The following ATAD3A variants were observed in gnomAD, a reference collection of about 807,000 sequenced individuals.
ATAD3A encodes the protein ATPase family AAA domain containing 3A.
Under a neutral mutation model 73.8 loss-of-function variants are expected in ATAD3A, and 46 were observed. The ratio of observed to expected loss-of-function variants is 0.62; its 90% CI spans 0.49 to 0.80. The LOEUF is 0.80. Ranked by LOEUF, ATAD3A falls within the 30% of genes least tolerant of loss-of-function variation. The probability of loss-of-function intolerance (pLI) is 0.00; values close to 1 mark genes in which losing one functional copy is unlikely to be tolerated. For missense variants in ATAD3A, 705 were observed against 838.0 expected, an observed-to-expected ratio of 0.84 and a Z score of 1.96; for synonymous variants, 319 against 350.0, an observed-to-expected ratio of 0.91 and a Z score of 0.99.
At position 1,527,777 on chromosome 1, in the gene ATAD3A, G is replaced by A. The variant is rs78493114; in HGVS notation, c.1420G>A (p.Asp474Asn). ...NDRINEMVHF[D>N]LPGQEERERL... ...CCGCATCAATGAGATGGTCCACTTCGACCTGCCAGGGCAGGAGGAACGGGA... is the reference window on the plus strand; with the variant it reads ...CCGCATCAATGAGATGGTCCACTTCAACCTGCCAGGGCAGGAGGAACGGGA... The change falls in exon 14 of 16, where the codon GAC becomes AAC. Residue 474 changes from aspartate (D) to asparagine (N), a missense_variant. Transcript: ENST00000378756. The A allele has an allele frequency of 2.3e-5, 37 of 1,613,814 alleles. No homozygotes were observed. Among genetic ancestry groups the A allele is most frequent in the Non-Finnish European group, 3.0e-5 (35 of 1,179,968 alleles).
chr1:1,524,211 G>A (rs1170577289), intron 10 of ATAD3A, 62 bp from the exon 11 acceptor site: 5 of 1,613,200 alleles, frequency 3.1e-6, no homozygotes, highest in African/African-American at 2.7e-5. Flanking sequence ...CGGGTGGAGT[G>A]TGCAGGCTTT....
At chr1:1,519,230 C>CTT (rs1320908153) in intron 5 of ATAD3A, among the ~76,000 whole-genome samples, 2 of 132,376 alleles carry the variant, frequency 1.5e-5, no homozygotes, top group South Asian at 2.4e-4. Flanking sequence ...GTACAGGGGC[C>CTT]TTTTTTTTTT....
rs1284171486 is a variant in ATAD3A, at chr1:1,534,604, AG to A, written c.*534del. The stretch of plus-strand genomic sequence containing the variant: ...GGAGGGAACCTGGCGGGGGTGTCTG[AG>A]GCCGCACTGTCAGCTGGCCGGTCCA... On this transcript the variant is annotated 3_prime_UTR_variant, in exon 16 of 16. Coordinates refer to ENST00000378756, the MANE Select transcript of ATAD3A (RefSeq NM_001170535.3). 5.0e-6 allele frequency: 1 copy of A among 198,758 alleles called. No homozygotes were observed. The highest frequency in any genetic ancestry group is 1.4e-4 in the East Asian group (1 of 6,990). 12.3% of individuals were successfully genotyped at this position (198,758 alleles called of 1,614,324 possible).
intron 13 of ATAD3A, chr1:1,527,337 C>T (rs1021899481): frequency 3.7e-6 from 4 of 1,087,792 alleles, no homozygotes; most frequent in East Asian, 6.2e-5. Flanking sequence ...AACCCGGGCC[C>T]CTGAGGTCCT....
chr1:1,513,641 C>T (rs9439454), intron 1 of ATAD3A, among the ~76,000 whole-genome samples: 237 of 151,312 alleles, frequency 1.6e-3, no homozygotes, highest in Middle Eastern at 6.8e-3. Flanking sequence ...TGATCCCTTC[C>T]CTCCTTCCTG....
rs368661989 is a variant in ATAD3A, at chr1:1,534,110, C to T, written c.*38C>T. 550 of 1,613,136 alleles carry T rather than the reference C, an allele frequency of 3.4e-4. No homozygotes were observed. The Middle Eastern group carries it at 8.2e-3, about 24-fold the overall frequency. ...ATCCACAGCTCACGGAGCCTGGCCG[C>T]GGACCCCTCCCACCCCTGCCTTGCC... is the stretch of plus-strand genomic sequence containing the variant. On this transcript the variant is annotated 3_prime_UTR_variant, in exon 16 of 16. Coordinates refer to ENST00000378756, the MANE Select transcript of ATAD3A (RefSeq NM_001170535.3).
At chr1:1,531,549 G>A (rs376859954) in intron 15 of ATAD3A, among the ~76,000 whole-genome samples, 10 of 152,024 alleles carry the variant, frequency 6.6e-5, no homozygotes, top group South Asian at 2.1e-4. Context: ...CGAGATGGGC[G>A]GATCATGAAG....
At chr1:1,524,923 G>C (rs1158168991) in intron 11 of ATAD3A, among the ~76,000 whole-genome samples, 6 of 152,100 alleles carry the variant, frequency 3.9e-5, no homozygotes, top group Non-Finnish European at 5.9e-5. Context: ...TTTCACTTTA[G>C]AAGACCTGTC....
At chr1:1,525,639 C>T (rs1641790138) in intron 12 of ATAD3A, among the ~76,000 whole-genome samples, 2 of 152,280 alleles carry the variant, frequency 1.3e-5, no homozygotes, top group South Asian at 4.1e-4. Flanking sequence ...TGGTCTCGAT[C>T]TCCTGACCTC....
chr1:1,528,252 C>T (rs544565039), intron 14 of ATAD3A, among the ~76,000 whole-genome samples: 9 of 152,318 alleles, frequency 5.9e-5, no homozygotes, highest in Non-Finnish European at 1.2e-4. Context: ...TGTGAGCCAC[C>T]GCGCCCGGCG....
In ATAD3A at chr1:1,512,327, C is replaced by T. The variant is rs1641220755; in HGVS notation, c.59C>T (p.Pro20Leu). 1 of 1,240,182 alleles carries T rather than the reference C, an allele frequency of 8.1e-7. No individual in the cohort carries two copies. Among genetic ancestry groups the T allele is most frequent in the African/African-American group, 1.6e-5 (1 of 63,960 alleles). The allele number at this position is 1,240,182 out of a possible 1,614,324, so 76.8% of individuals were successfully genotyped here. A position where few individuals can be genotyped will look rare whatever the true frequency, so the allele number is the denominator to read the frequency against. The change falls in exon 1 of 16, where the codon CCG becomes CTG. Residue 20 changes from proline to leucine, a missense_variant. This residue lies in a region of ATAD3A where 125 missense variants were observed against 170.6 expected (regional missense o/e 0.73). Transcript: ENST00000378756. ...AAGGGTGAAGGCGCGGGGCCGCCGC[C>T]GCCTTTGCCGCCCGCGCAGCCCGGG... ...GPKGEGAGPP[P>L]PLPPAQPGAE... is the part of the protein sequence containing the mutation.
At chr1:1,518,086 C>A (rs549570198) in intron 4 of ATAD3A, among the ~76,000 whole-genome samples, 1 of 151,388 alleles carries the variant, frequency 6.6e-6, no homozygotes, top group African/African-American at 2.4e-5. Flanking sequence ...CACACCCCTG[C>A]ACACACGGGC....
rs149403205 is a variant in ATAD3A, at chr1:1,525,768, C to T, written c.1266+477C>T. 1.8e-3 allele frequency among the ~76,000 whole-genome samples: 273 copies of T among 152,122 alleles called. 1 individual carries two copies. The highest frequency in any genetic ancestry group is 6.0e-3 in the African/African-American group (249 of 41,486). On this transcript the variant is annotated intron_variant, in intron 12 of 15. Transcript: ENST00000378756. The stretch of plus-strand genomic sequence containing the variant: ...TGTCGCCCAGGCTGGAGTGCAGGGG[C>T]GATCACAGCTCACTGTTGCCTCGAC...
At chr1:1,524,532 G>A (rs544525300) in intron 11 of ATAD3A, 135 bp downstream of exon 11, 756 of 876,144 alleles carry the variant, frequency 8.6e-4, no homozygotes, top group Middle Eastern at 2.8e-3. Context: ...AGGAGGCCCA[G>A]TGGAGGGTCC....
chr1:1,522,853 A>G lies in ATAD3A; in HGVS notation c.860A>G (p.Glu287Gly). The G allele has an allele frequency of 2.5e-6, 4 of 1,610,140 alleles. No individual in the cohort carries two copies. The highest frequency in any genetic ancestry group is 3.4e-6 in the Non-Finnish European group (4 of 1,179,702). Residue 287 changes from glutamate (E) to glycine (G), a missense_variant, in exon 8 of 16, where the codon GAG (glutamate) becomes GGG (glycine). Transcript: ENST00000378756. ...ARLGKPSLVR[E>G]TSRITVLEAL... Reference sequence around the variant, plus strand: ...CTGGGGAAGCCGTCCCTAGTGAGGGAGACGTCCCGCATCACGGTGCTTGAG... The same window carrying G: ...CTGGGGAAGCCGTCCCTAGTGAGGGGGACGTCCCGCATCACGGTGCTTGAG...
chr1:1,522,758 G>A lies in ATAD3A; in HGVS notation c.765G>A (p.Thr255=), dbSNP rs749690383. 6.8e-6 allele frequency: 11 copies of A among 1,611,958 alleles called. No homozygotes were observed. The highest frequency in any genetic ancestry group is 4.4e-5 in the South Asian group (4 of 91,032). The stretch of plus-strand genomic sequence containing the variant: ...CTCTGCTGCAGGTGGCTGGGCTGAC[G>A]CTGCTGGCTGTTGGGGTCTACTCAG... ...DKVTATVAGL[T]LLAVGVYSAK... Residue 255 remains threonine, a synonymous_variant, in exon 8 of 16, where the codon ACG becomes ACA. Transcript: ENST00000378756.
In ATAD3A at chr1:1,523,819, A is replaced by G. The variant is rs1004924117; in HGVS notation, c.964-20A>G. 4 of 1,612,844 alleles carry G rather than the reference A, an allele frequency of 2.5e-6. No homozygotes were observed. The highest frequency in any genetic ancestry group is 1.6e-4 in the Middle Eastern group (1 of 6,082). On this transcript the variant is annotated intron_variant, in intron 9 of 15. Transcript: ENST00000378756. The surrounding 1 kb of genome is among the most constrained non-coding windows in gnomAD (Gnocchi z 5.1). ...CATGGGTGCACAGTGTCTCCTCCAA[A>G]CCCCCGTCTTCCCCGGCAGCCCAGC...
rs9439460 is a variant in ATAD3A at position 1,516,110 on chromosome 1, G to A, written c.282+22G>A. On this transcript the variant is annotated intron_variant, in intron 2 of 15. Transcript: ENST00000378756. ...CAAAGTGAGTGGGGCCGGTGTGGGT[G>A]GGGAGGCCGGGGCGCACATGGGGTT... The A allele has an allele frequency of 0.072, 115,643 of 1,612,194 alleles. 14,561 individuals carry two copies. The highest frequency in any genetic ancestry group is 0.43 in the African/African-American group (32,110 of 74,800).
chr1:1,531,314 G>T (rs1642025056), intron 15 of ATAD3A, among the ~76,000 whole-genome samples: 1 of 151,860 alleles, frequency 6.6e-6, no homozygotes, highest in Non-Finnish European at 1.5e-5. Context: ...AGCTGGGTGT[G>T]GTGGCGCATG....
Sources: allele counts gnomAD v4.1 joint callset (sites outside exome capture counted in the v4.1 genomes callset), GRCh38; gene constraint gnomAD v4.1.1; regional missense constraint gnomAD v4.1.1; non-coding constraint Gnocchi (gnomAD v3.1); transcripts MANE v1.5; gene names NCBI Gene and HGNC (gene_info 2026-07-23, HGNC 2026-07-21).